CILK1: variants seen among roughly 807,000 people sequenced by gnomAD.
CILK1 encodes ciliogenesis associated kinase 1, also known as serine/threonine-protein kinase ICK.
Under a neutral mutation model 79.2 loss-of-function variants are expected in CILK1, and 47 were observed. The observed-to-expected ratio is 0.59, with a 90% CI of 0.47 to 0.76. The LOEUF (loss-of-function observed/expected upper bound fraction) is 0.76. Ranked by LOEUF, CILK1 falls within the 30% of genes least tolerant of loss-of-function variation. The pLI is 0.00. For missense variants in CILK1, 660 were observed against 769.5 expected, an observed-to-expected ratio of 0.86 and a Z score of 1.68; for synonymous variants, 266 against 275.9, an observed-to-expected ratio of 0.96 and a Z score of 0.36.
chr6:53,022,955 A>C (rs1765338850), intron 5 of CILK1, among the ~76,000 whole-genome samples: 1 of 147,524 alleles, frequency 6.8e-6, no homozygotes, highest in African/African-American at 2.5e-5. Context: ...TTTTTTTGAG[A>C]CGGAGTCTTG....
chr6:53,018,321 T>A lies in CILK1; in HGVS notation c.663+9A>T. On this transcript the variant is annotated intron_variant, in intron 7 of 13. Transcript: ENST00000676107. ...CTTTGGCCCACTGGCCTTTGTTTTG[T>A]ATCATTACCTTTTTTGGTGTCCCCA... The A allele has an allele frequency of 3.1e-6, 5 of 1,613,960 alleles. No homozygotes were observed. The highest frequency in any genetic ancestry group is 4.2e-6 in the Non-Finnish European group (5 of 1,179,860).
At chr6:53,013,007 T>C (rs866786054) in intron 9 of CILK1, among the ~76,000 whole-genome samples, 3 of 152,370 alleles carry the variant, frequency 2.0e-5, no homozygotes, top group East Asian at 1.9e-4. Context: ...CATTAACATA[T>C]TGAATAACAG....
At position 53,041,281 on chromosome 6, in the gene CILK1, T is replaced by A; in HGVS notation, c.-45A>T. On this transcript the variant is annotated 5_prime_UTR_variant, in exon 2 of 14. Transcript: ENST00000676107. ...GACACTCATCTCACGGCCGAAGTGG[T>A]TCAGTTCTGCAGTGGTAGCAGTCCT... 7.1e-7 allele frequency: 1 copy of A among 1,408,542 alleles called. No homozygotes were observed. Among genetic ancestry groups the A allele is most frequent in the Non-Finnish European group, 1.0e-6 (1 of 997,026 alleles). 87.3% of individuals were successfully genotyped at this position (1,408,542 alleles called of 1,614,324 possible).
In CILK1 at chr6:53,032,609, C is replaced by A; in HGVS notation, c.202G>T (p.Val68Phe). Residue 68 changes from valine (V) to phenylalanine (F), a missense_variant, in exon 4 of 14, where the codon GTT becomes TTT. By Grantham distance (50) the Val-to-Phe change is conservative. Transcript: ENST00000676107. Reference protein sequence around the residue: ...NHANVVKLKEVIRENDHLYFI... With the variant: ...NHANVVKLKEFIRENDHLYFI... ...TAAAGATGATCATTTTCCCTGATAA[C>A]TTCTTTTAATTTGACTACATTGGCA... is the stretch of plus-strand genomic sequence containing the variant. 6.2e-7 allele frequency: 1 copy of A among 1,606,486 alleles called. No individual in the cohort carries two copies. The highest frequency in any genetic ancestry group is 1.7e-4 in the Middle Eastern group (1 of 6,018).
intron 8 of CILK1, among the ~76,000 whole-genome samples, chr6:53,014,297 G>A (rs1411219112): frequency 6.6e-6 from 1 of 152,132 alleles, no homozygotes; most frequent in Non-Finnish European, 1.5e-5. Context: ...GTCTTAAATA[G>A]AGTATTTCAT....
intron 3 of CILK1, among the ~76,000 whole-genome samples, chr6:53,037,269 G>C (rs1332074244): frequency 6.6e-6 from 1 of 151,938 alleles, no homozygotes; most frequent in East Asian, 1.9e-4. Flanking sequence ...GAAGGGGCAG[G>C]GGGAAAGGAG....
rs1227197648 is a variant in CILK1, at chr6:53,020,911, GTCCTC to G, written c.359-1557_359-1553del. On this transcript the variant is annotated intron_variant, in intron 5 of 13. Coordinates refer to ENST00000676107, the MANE Select transcript of CILK1 (RefSeq NM_014920.5). ...TGTTAACTTATCCAAAACCACTTTT[GTCCTC>G]TCCCAAATCATCTCCCCTTCCTAAC... Among the ~76,000 whole-genome samples, 158 of 152,264 alleles carry G rather than the reference GTCCTC, an allele frequency of 1.0e-3. 2 individuals are homozygous for G. Among genetic ancestry groups the G allele is most frequent in the Non-Finnish European group, 2.8e-4 (19 of 68,024 alleles).
rs995344832 is a variant in CILK1, at chr6:53,041,137, T to C, written c.100A>G (p.Lys34Glu). The stretch of plus-strand genomic sequence containing the variant: ...ATGGCAGTGAAGGATCAAACTTACT[T>C]TTTAATAGCGATCAGCTCCCCAGAC... ...IESGELIAIK[K>E]MKRKFYSWEE... The change falls in exon 2 of 14, where the codon AAA becomes GAA. Residue 34 changes from lysine to glutamate, a missense_variant and splice_region_variant. Lys to Glu is a moderately conservative substitution (Grantham distance 56, BLOSUM62 1). Transcript: ENST00000676107. 3 of 1,606,808 alleles carry C rather than the reference T, an allele frequency of 1.9e-6. No homozygotes were observed. Among genetic ancestry groups the C allele is most frequent in the Middle Eastern group, 3.3e-4 (2 of 6,052 alleles).
chr6:53,012,409 A>G lies in CILK1; in HGVS notation c.1153-182T>C, dbSNP rs376432283. 7.2e-5 allele frequency among the ~76,000 whole-genome samples: 11 copies of G among 152,308 alleles called. No individual in the cohort carries two copies. The East Asian group carries it at 1.7e-3, about 24-fold the overall frequency. On this transcript the variant is annotated intron_variant, in intron 9 of 13. Coordinates refer to ENST00000676107, the MANE Select transcript of CILK1 (RefSeq NM_014920.5). ...TCTTTCTGTCTCACTCATCCTTCAC[A>G]GATTGTATCAGCTGCCATCCATTGA...
intron 1 of CILK1, among the ~76,000 whole-genome samples, chr6:53,043,567 T>A (rs1467727262): frequency 6.6e-6 from 1 of 152,128 alleles, no homozygotes; most frequent in African/African-American, 2.4e-5. Flanking sequence ...CTTGAAACTC[T>A]TCAGGATCAG....
At chr6:53,041,869 G>A (rs1462556607) in intron 1 of CILK1, among the ~76,000 whole-genome samples, 2 of 152,052 alleles carry the variant, frequency 1.3e-5, no homozygotes, top group Admixed American at 1.3e-4. Flanking sequence ...GACCACCCAC[G>A]ATCGTAAACT....
intron 3 of CILK1, among the ~76,000 whole-genome samples, chr6:53,032,948 C>G (rs773330606): frequency 3.2e-4 from 49 of 152,298 alleles, no homozygotes; most frequent in Admixed American, 1.8e-3. Context: ...GGGCCCACCC[C>G]CTCCAGATGA....
intron 11 of CILK1, among the ~76,000 whole-genome samples, chr6:53,010,301 C>T (rs1018763533): frequency 6.6e-6 from 1 of 152,162 alleles, no homozygotes; most frequent in Non-Finnish European, 1.5e-5. Context: ...CATTCCAAAC[C>T]AGAGGGTGAG....
intron 7 of CILK1, 88 bp from the exon 8 acceptor site, chr6:53,016,338 G>A: frequency 1.3e-5 from 18 of 1,344,114 alleles, no homozygotes; most frequent in Non-Finnish European, 1.9e-5. Flanking sequence ...AAATGGAAAG[G>A]CAACCATGTC....
chr6:53,041,268 A>C lies in CILK1; in HGVS notation c.-32T>G. 4.6e-6 allele frequency: 7 copies of C among 1,518,182 alleles called. No homozygotes were observed. The highest frequency in any genetic ancestry group is 6.4e-6 in the Non-Finnish European group (7 of 1,095,046). 94.0% of individuals were successfully genotyped at this position (1,518,182 alleles called of 1,614,324 possible). ...CCTGCTCAGGCCGGACACTCATCTC[A>C]CGGCCGAAGTGGTTCAGTTCTGCAG... On this transcript the variant is annotated 5_prime_UTR_variant, in exon 2 of 14. The change abolishes the stop of an existing upstream ORF in the 5' untranslated region. Coordinates refer to ENST00000676107, the MANE Select transcript of CILK1 (RefSeq NM_014920.5).
chr6:53,024,547 G>GT, intron 5 of CILK1, among the ~76,000 whole-genome samples: 1 of 152,214 alleles, frequency 6.6e-6, no homozygotes, highest in East Asian at 1.9e-4. Flanking sequence ...TTAAGAATGT[G>GT]TAAGGATACA....
Position 53,005,153 on chromosome 6 carries a change from C to G in CILK1, c.1895G>C (p.Arg632Pro). The G allele has an allele frequency of 4.3e-6, 7 of 1,614,128 alleles. No homozygotes were observed. Among genetic ancestry groups the G allele is most frequent in the Non-Finnish European group, 5.9e-6 (7 of 1,180,034 alleles). The change falls in exon 14 of 14, where the codon CGA (arginine) becomes CCA (proline). Residue 632 changes from arginine (R) to proline (P), a missense_variant. Coordinates refer to ENST00000676107, the MANE Select transcript of CILK1 (RefSeq NM_014920.5). ...TDWASKYASR[R>P] ...ATTCATCACCAAGGCAGACAGTCAT[C>G]GCCGAGATGCGTACTTGGAAGCCCA...
In CILK1 at chr6:53,039,604, C is replaced by T. The variant is rs74990020; in HGVS notation, c.101+1532G>A. Among the ~76,000 whole-genome samples the T allele has an allele frequency of 2.6e-4, 40 of 152,268 alleles. 1 individual carries two copies. In the East Asian group the frequency reaches 6.4e-3, roughly 24 times the overall value. ...CTTTTAAGGAGCTGGACAGAATGCACCTTGGTTGAAAGTCTCCCACATGCA... is the reference window on the plus strand; with the variant it reads ...CTTTTAAGGAGCTGGACAGAATGCATCTTGGTTGAAAGTCTCCCACATGCA... On this transcript the variant is annotated intron_variant, in intron 2 of 13. Coordinates refer to ENST00000676107, the MANE Select transcript of CILK1 (RefSeq NM_014920.5).
intron 1 of CILK1, chr6:53,051,940 ACTTT>A (rs368359148): frequency 5.8e-4 from 89 of 152,202 alleles, no homozygotes; most frequent in African/African-American, 2.1e-3. Context: ...CTTTTATTTT[ACTTT>A]AAGTTCCGGA....
Sources: gnomAD v4.1 joint callset for allele counts (sites outside exome capture counted in the v4.1 genomes callset) on GRCh38, gnomAD v4.1.1 for gene constraint, MANE v1.5 for transcripts, NCBI Gene and HGNC (gene_info 2026-07-23, HGNC 2026-07-21) for gene names.